Variants in SORCS3 observed in about 807,000 individuals in gnomAD.
The protein encoded by SORCS3 is VPS10 domain-containing receptor SorCS3.
In SORCS3, 57 loss-of-function variants were observed where a neutral mutation model predicts 146.3. That is an observed-to-expected ratio of 0.39 (90% CI 0.31 to 0.49). SORCS3 has a LOEUF of 0.49. SORCS3 is among the 20% of genes least tolerant of loss of function. The probability of loss-of-function intolerance (pLI) is 0.92; values close to 1 mark genes in which losing one functional copy is unlikely to be tolerated. For synonymous variants in SORCS3, 653 were observed against 618.5 expected, an observed-to-expected ratio of 1.06 and a Z score of -0.83; for missense variants, 1,341 against 1,575.5, an observed-to-expected ratio of 0.85 and a Z score of 2.52.
Position 105,201,747 on chromosome 10 carries a change from A to C in SORCS3, c.2261+494A>C, listed in dbSNP as rs76901915. ...ATAGACAATTACTCCCAAATTTCCA[A>C]ATATTTACCTCTGGCCCTGGCCTCC... On this transcript the variant is annotated intron_variant, in intron 16 of 26. Coordinates refer to ENST00000369701, the MANE Select transcript of SORCS3 (RefSeq NM_014978.3). Among the ~76,000 whole-genome samples, 38 of 152,252 alleles carry C rather than the reference A, an allele frequency of 2.5e-4. No individual in the cohort carries two copies. The East Asian group carries it at 7.0e-3, about 28-fold the overall frequency.
chr10:105,252,949 A>G (rs2056909928), intron 23 of SORCS3, 43 bp downstream of exon 23: 1 of 1,602,316 alleles, frequency 6.2e-7, no homozygotes, highest in Non-Finnish European at 8.5e-7. Flanking sequence ...CCTGCACCCT[A>G]CACCCTGAGA....
chr10:105,051,541 G>T (rs2055412914), intron 5 of SORCS3, among the ~76,000 whole-genome samples: 1 of 152,054 alleles, frequency 6.6e-6, no homozygotes, highest in Non-Finnish European at 1.5e-5. Context: ...TCATTTTTAG[G>T]CTATTCATAT....
chr10:104,674,673 A>G (rs566937507), intron 1 of SORCS3, among the ~76,000 whole-genome samples: 36 of 152,352 alleles, frequency 2.4e-4, no homozygotes, highest in Non-Finnish European at 4.4e-4. Flanking sequence ...ATTGTGAGAC[A>G]ATAAATATCT....
At chr10:104,870,473 C>G (rs1358477284) in intron 2 of SORCS3, among the ~76,000 whole-genome samples, 1 of 151,320 alleles carries the variant, frequency 6.6e-6, no homozygotes, top group Non-Finnish European at 1.5e-5. Context: ...TATTGTATTA[C>G]TTCAAAAAAA....
chr10:105,104,630 A>G (rs1413873295), intron 6 of SORCS3, among the ~76,000 whole-genome samples: 1 of 152,256 alleles, frequency 6.6e-6, no homozygotes, highest in East Asian at 1.9e-4. Context: ...TATCTAATGT[A>G]AAAAGCAGAG....
rs2056234639 is a variant in SORCS3 at position 105,158,806 on chromosome 10, G to A, written c.1630-86G>A. 5 of 1,017,934 alleles carry A rather than the reference G, an allele frequency of 4.9e-6. No individual in the cohort carries two copies. The East Asian group carries it at 1.2e-4, about 25-fold the overall frequency. The allele number at this position is 1,017,934 out of a possible 1,614,324, so 63.1% of individuals were successfully genotyped here. A position where few individuals can be genotyped will look rare whatever the true frequency, so the allele number is the denominator to read the frequency against. ...CAATGCCTTGCTATTTCTGGGAGCTGAACATCGGGAAGCCCATCTCTAGTG... is the reference window on the plus strand; with the variant it reads ...CAATGCCTTGCTATTTCTGGGAGCTAAACATCGGGAAGCCCATCTCTAGTG... On this transcript the variant is annotated intron_variant, in intron 10 of 26. Transcript: ENST00000369701.
intron 19 of SORCS3, among the ~76,000 whole-genome samples, chr10:105,219,014 C>CA (rs201110688): frequency 0.01 from 1,537 of 149,670 alleles, 17 homozygotes; most frequent in African/African-American, 0.036. Flanking sequence ...GACCCCGTCT[C>CA]AAAAAAAAAT....
intron 3 of SORCS3, among the ~76,000 whole-genome samples, chr10:104,958,714 T>G (rs552978447): frequency 1.4e-4 from 21 of 152,242 alleles, no homozygotes; most frequent in African/African-American, 5.1e-4. Context: ...AAACTACCAG[T>G]AATTTATAAA....
rs1378136029 is a variant in SORCS3, at chr10:105,242,430, A to ATATATT, written c.2869-3110_2869-3109insTATTTA. The stretch of plus-strand genomic sequence containing the variant: ...TATATTTATATATATTTATATATTT[A>ATATATT]TACATATATTTATATATATTTATAT... On this transcript the variant is annotated intron_variant, in intron 20 of 26. Coordinates refer to ENST00000369701, the MANE Select transcript of SORCS3 (RefSeq NM_014978.3). Among the ~76,000 whole-genome samples the ATATATT allele has an allele frequency of 1.9e-4, 12 of 62,368 alleles. 1 individual carries two copies. The highest frequency in any genetic ancestry group is 6.6e-4 in the Admixed American group (3 of 4,540). The allele number at this position is 62,368 out of a possible 152,430, so 40.9% of individuals were successfully genotyped here. A position where few individuals can be genotyped will look rare whatever the true frequency, so the allele number is the denominator to read the frequency against.
intron 3 of SORCS3, among the ~76,000 whole-genome samples, chr10:104,970,346 A>G (rs973986542): frequency 1.3e-5 from 2 of 151,994 alleles, no homozygotes; most frequent in Non-Finnish European, 2.9e-5. Context: ...GGGGTTTCAC[A>G]ATGTTGGCCA....
chr10:104,655,780 C>G (rs1205756441), intron 1 of SORCS3, among the ~76,000 whole-genome samples: 1 of 152,154 alleles, frequency 6.6e-6, no homozygotes, highest in Admixed American at 6.5e-5. Flanking sequence ...CCTGCCCCCA[C>G]TCCGCCTTGC....
intron 1 of SORCS3, among the ~76,000 whole-genome samples, chr10:104,806,324 A>G (rs2130519): frequency 0.17 from 25,867 of 152,142 alleles, 2,555 homozygotes; most frequent in African/African-American, 0.27. Flanking sequence ...ACACAATAGG[A>G]TTATGGATAG....
Position 105,178,144 on chromosome 10 carries a change from G to A in SORCS3, c.1980G>A (p.Val660=), listed in dbSNP as rs2056419594. Residue 660 remains valine, a synonymous_variant, in exon 14 of 27, where the codon GTG becomes GTA. Coordinates refer to ENST00000369701, the MANE Select transcript of SORCS3 (RefSeq NM_014978.3). Reference sequence around the variant, plus strand: ...CTCTCTTTGTTGACGGGGCTCTGGTGGAGGCAGGAATGGAGACCCACATCA... The same window carrying A: ...CTCTCTTTGTTGACGGGGCTCTGGTAGAGGCAGGAATGGAGACCCACATCA... ...SVPLFVDGAL[V]EAGMETHIMT... The A allele has an allele frequency of 6.2e-7, 1 of 1,613,364 alleles. No homozygotes were observed. The highest frequency in any genetic ancestry group is 1.1e-5 in the South Asian group (1 of 91,002).
intron 1 of SORCS3, among the ~76,000 whole-genome samples, chr10:104,797,075 A>C (rs1292311422): frequency 6.6e-6 from 1 of 152,206 alleles, no homozygotes; most frequent in Non-Finnish European, 1.5e-5. Flanking sequence ...ATCCCTAATG[A>C]CATGGGATGA....
chr10:104,811,508 T>TG (rs2017740475), intron 1 of SORCS3, among the ~76,000 whole-genome samples: 1 of 152,332 alleles, frequency 6.6e-6, no homozygotes, highest in African/African-American at 2.4e-5. Flanking sequence ...TTAAGTGAAG[T>TG]GTCTTGCCGA....
chr10:105,123,298 A>T (rs1457078740), intron 7 of SORCS3, among the ~76,000 whole-genome samples: 1 of 152,046 alleles, frequency 6.6e-6, no homozygotes, highest in Non-Finnish European at 1.5e-5. Flanking sequence ...TAACCCTAAA[A>T]CTCCACAAGT....
At chr10:104,679,274 G>T (rs1429797837) in intron 1 of SORCS3, among the ~76,000 whole-genome samples, 4 of 152,262 alleles carry the variant, frequency 2.6e-5, no homozygotes, top group Admixed American at 2.6e-4. Flanking sequence ...TCTTTCTTGT[G>T]GGGAGGGAAG....
intron 1 of SORCS3, among the ~76,000 whole-genome samples, chr10:104,790,801 T>C (rs1181133030): frequency 3.3e-5 from 5 of 152,186 alleles, no homozygotes; most frequent in Admixed American, 6.5e-5. Context: ...GCTAATGACA[T>C]TTACCTTTAG....
Position 104,808,870 on chromosome 10 carries a change from CA to C in SORCS3, c.628-33921del, listed in dbSNP as rs564288032. Reference sequence around the variant, plus strand: ...ATGAAGTAACCTGTCAAAAGTCACACAGCAGAAATGGACTGCTGGTAACTTG... The same window carrying C: ...ATGAAGTAACCTGTCAAAAGTCACACGCAGAAATGGACTGCTGGTAACTTG... On this transcript the variant is annotated intron_variant, in intron 1 of 26. Transcript: ENST00000369701. Among the ~76,000 whole-genome samples the C allele has an allele frequency of 2.5e-3, 382 of 152,290 alleles. 1 individual carries two copies. Among genetic ancestry groups the C allele is most frequent in the Middle Eastern group, 6.8e-3 (2 of 294 alleles).
Sources: gnomAD v4.1 joint callset for allele counts (sites outside exome capture counted in the v4.1 genomes callset) on GRCh38, gnomAD v4.1.1 for gene constraint, MANE v1.5 for transcripts, NCBI Gene and HGNC (gene_info 2026-07-23, HGNC 2026-07-21) for gene names.